Variants in THSD4 observed in about 807,000 individuals in gnomAD.
THSD4 encodes the protein thrombospondin type 1 domain containing 4.
Under a neutral mutation model 119.0 loss-of-function variants are expected in THSD4, and 69 were observed. The ratio of observed to expected loss-of-function variants is 0.58; its 90% CI spans 0.48 to 0.71. THSD4 has a LOEUF of 0.71. Ranked by LOEUF, THSD4 falls within the 30% of genes least tolerant of loss-of-function variation. The probability of loss-of-function intolerance (pLI) is 0.00; values close to 1 mark genes in which losing one functional copy is unlikely to be tolerated. For synonymous variants in THSD4, 524 were observed against 540.4 expected (o/e 0.97, Z 0.42); for missense variants, 1,393 against 1,391.1 (o/e 1.00, Z -0.02).
intron 8 of THSD4, among the ~76,000 whole-genome samples, chr15:71,717,214 A>G (rs1323795995): frequency 5.3e-5 from 8 of 152,224 alleles, no homozygotes; most frequent in Admixed American, 3.9e-4. Flanking sequence ...ACTGTGGACT[A>G]TAACAAAGAA....
intron 11 of THSD4, 127 bp downstream of exon 11, chr15:71,738,134 A>G: frequency 1.6e-6 from 2 of 1,283,466 alleles, no homozygotes; most frequent in Non-Finnish European, 2.1e-6. Flanking sequence ...CGATTTCTCC[A>G]TGGATGGTGG....
At chr15:71,373,100 A>G (rs1197604111) in intron 6 of THSD4, among the ~76,000 whole-genome samples, 1 of 152,240 alleles carries the variant, frequency 6.6e-6, no homozygotes, top group Non-Finnish European at 1.5e-5. Flanking sequence ...TTCAGATAGC[A>G]TTAGGGTTGG....
Position 71,773,212 on chromosome 15 carries a change from AAAAG to A in THSD4, c.2914+2008_2914+2011del, listed in dbSNP as rs1382621917. On this transcript the variant is annotated intron_variant, in intron 17 of 17. Coordinates refer to ENST00000261862, the MANE Select transcript of THSD4 (RefSeq NM_024817.3). The stretch of plus-strand genomic sequence containing the variant: ...TGAGACCATGTCTCAAAAAAAAAAA[AAAAG>A]AAAAAGAAAAAAGAAAAGAAAAAAA... 1.5e-4 allele frequency among the ~76,000 whole-genome samples: 21 copies of A among 143,790 alleles called. No individual in the cohort carries two copies. In the East Asian group the frequency reaches 1.7e-3, roughly 12 times the overall value. The allele number at this position is 143,790 out of a possible 152,430, so 94.3% of individuals were successfully genotyped here. A position where few individuals can be genotyped will look rare whatever the true frequency, so the allele number is the denominator to read the frequency against.
chr15:71,475,522 G>A (rs2047643735), intron 7 of THSD4, among the ~76,000 whole-genome samples: 1 of 152,190 alleles, frequency 6.6e-6, no homozygotes, highest in Non-Finnish European at 1.5e-5. Context: ...GATTTAGGAG[G>A]TCTGGGATAG....
chr15:71,239,768 A>C (rs2044136734), intron 4 of THSD4, among the ~76,000 whole-genome samples: 1 of 152,166 alleles, frequency 6.6e-6, no homozygotes, highest in Non-Finnish European at 1.5e-5. Flanking sequence ...AAATCTCCCC[A>C]GTTCCGTGGA....
Position 71,486,611 on chromosome 15 carries a change from GTTTTTTTTTTT to G in THSD4, c.1152+74803_1152+74813del, listed in dbSNP as rs200120589. The stretch of plus-strand genomic sequence containing the variant: ...CTCCCTAATGCCAAGTTTCTTTTCT[GTTTTTTTTTTT>G]TTTTTTTTTTTTTTATTTCCCACTC... On this transcript the variant is annotated intron_variant, in intron 7 of 17. Coordinates refer to ENST00000261862, the MANE Select transcript of THSD4 (RefSeq NM_024817.3). Among the ~76,000 whole-genome samples, 481 of 131,752 alleles carry G rather than the reference GTTTTTTTTTTT, an allele frequency of 3.7e-3. 8 individuals carry two copies. The East Asian group carries it at 0.065, about 18-fold the overall frequency. The allele number at this position is 131,752 out of a possible 152,430, so 86.4% of individuals were successfully genotyped here.
At chr15:71,517,667 T>G (rs183713039) in intron 7 of THSD4, among the ~76,000 whole-genome samples, 1 of 152,332 alleles carries the variant, frequency 6.6e-6, no homozygotes, top group Admixed American at 6.5e-5. Context: ...TGTTTCCTGC[T>G]CAAACCTCTG....
intron 6 of THSD4, among the ~76,000 whole-genome samples, chr15:71,403,712 A>G (rs959653701): frequency 6.6e-6 from 1 of 152,250 alleles, no homozygotes; most frequent in Non-Finnish European, 1.5e-5. Flanking sequence ...ATTGCTTTCA[A>G]TAAAAGCAGT....
chr15:71,553,807 C>T (rs1376647552), intron 7 of THSD4, among the ~76,000 whole-genome samples: 1 of 152,160 alleles, frequency 6.6e-6, no homozygotes, highest in Non-Finnish European at 1.5e-5. Flanking sequence ...CATTAATCTA[C>T]TTACATAGTG....
chr15:71,316,124 A>G (rs537742612), intron 6 of THSD4, among the ~76,000 whole-genome samples: 1 of 152,278 alleles, frequency 6.6e-6, no homozygotes, highest in East Asian at 1.9e-4. Context: ...TGCTTGCAAA[A>G]CAGGCTCTTG....
intron 6 of THSD4, among the ~76,000 whole-genome samples, chr15:71,297,320 T>TTTTTG (rs111707595): frequency 3.4e-5 from 5 of 147,982 alleles, no homozygotes; most frequent in African/African-American, 1.0e-4. Flanking sequence ...CTCTTCTTTT[T>TTTTTG]TTTGTTTGTT....
intron 7 of THSD4, among the ~76,000 whole-genome samples, chr15:71,628,571 C>G (rs982550691): frequency 2.0e-5 from 3 of 152,192 alleles, no homozygotes; most frequent in Non-Finnish European, 4.4e-5. Context: ...GGTTAAAATG[C>G]AGATTCCTCT....
At chr15:71,174,372 T>A (rs1398340903) in intron 3 of THSD4, among the ~76,000 whole-genome samples, 1 of 149,922 alleles carries the variant, frequency 6.7e-6, no homozygotes, top group East Asian at 2.0e-4. Flanking sequence ...AAGAAAGGGG[T>A]GATGGACGCA....
intron 7 of THSD4, among the ~76,000 whole-genome samples, chr15:71,541,207 ATAT>A (rs1377775536): frequency 1.3e-5 from 2 of 152,238 alleles, no homozygotes; most frequent in Non-Finnish European, 2.9e-5. Context: ...CATATTCAAA[ATAT>A]TATTTCAACA....
At position 71,724,287 on chromosome 15, in the gene THSD4, A is replaced by ATTTTT. The variant is rs1555445828; in HGVS notation, c.1358-4256_1358-4252dup. ...ATGGGATATATATATATATATATATATTTTTTTTTTCCCCCCAAGATGGAA... is the reference window on the plus strand; with the variant it reads ...ATGGGATATATATATATATATATATATTTTTTTTTTTTTTTCCCCCCAAGATGGAA... On this transcript the variant is annotated intron_variant, in intron 8 of 17. Coordinates refer to ENST00000261862, the MANE Select transcript of THSD4 (RefSeq NM_024817.3). Among the ~76,000 whole-genome samples, 61 of 37,204 alleles carry ATTTTT rather than the reference A, an allele frequency of 1.6e-3. 6 individuals are homozygous for ATTTTT. The highest frequency in any genetic ancestry group is 5.4e-3 in the East Asian group (3 of 560). 24.4% of individuals were successfully genotyped at this position (37,204 alleles called of 152,430 possible).
At chr15:71,272,291 CT>C (rs1236935144) in intron 6 of THSD4, among the ~76,000 whole-genome samples, 1 of 147,924 alleles carries the variant, frequency 6.8e-6, no homozygotes, top group African/African-American at 2.5e-5. Flanking sequence ...GTCCCAGCTA[CT>C]CGGGAGGCCA....
chr15:71,656,946 G>T (rs912881201), intron 7 of THSD4, among the ~76,000 whole-genome samples: 1 of 152,124 alleles, frequency 6.6e-6, no homozygotes, highest in African/African-American at 2.4e-5. Context: ...AGTCAGAAAG[G>T]CCTGTTCATT....
chr15:71,774,617 T>C (rs2053881345), intron 17 of THSD4, among the ~76,000 whole-genome samples: 1 of 152,008 alleles, frequency 6.6e-6, no homozygotes, highest in Non-Finnish European at 1.5e-5. Context: ...TTCAAAAATG[T>C]ACAGGGGCAC....
At chr15:71,410,272 C>T (rs750847118) in intron 6 of THSD4, among the ~76,000 whole-genome samples, 26 of 152,146 alleles carry the variant, frequency 1.7e-4, no homozygotes, top group Non-Finnish European at 3.2e-4. Context: ...GTGAATAAGA[C>T]AGAGACATCC....
Sources: gnomAD v4.1 joint callset for allele counts (sites outside exome capture counted in the v4.1 genomes callset) on GRCh38, gnomAD v4.1.1 for gene constraint, MANE v1.5 for transcripts, NCBI Gene and HGNC (gene_info 2026-07-23, HGNC 2026-07-21) for gene names.